Variants in FGF1 observed in about 807,000 individuals in gnomAD.
FGF1 encodes the protein beta-endothelial cell growth factor.
In FGF1, 9 loss-of-function variants were observed where a neutral mutation model predicts 13.4. The ratio of observed to expected loss-of-function variants is 0.67; its 90% CI spans 0.40 to 1.17. The LOEUF (loss-of-function observed/expected upper bound fraction) is 1.17, where lower values mean the gene tolerates loss of function less well. Ranked by LOEUF, FGF1 falls within the 50% of genes most tolerant of loss-of-function variation. The probability of loss-of-function intolerance (pLI) is 0.01; values close to 1 mark genes in which losing one functional copy is unlikely to be tolerated. For missense variants in FGF1, 156 were observed against 192.7 expected (o/e 0.81, Z 1.13); for synonymous variants, 93 against 79.0 (o/e 1.18, Z -0.94).
intron 1 of FGF1, among the ~76,000 whole-genome samples, chr5:142,678,821 A>G (rs1773149364): frequency 6.6e-6 from 1 of 152,186 alleles, no homozygotes; most frequent in South Asian, 2.1e-4. Context: ...TGCCTAGCTT[A>G]CTAATTAGCT....
intron 1 of FGF1, among the ~76,000 whole-genome samples, chr5:142,636,074 T>G (rs529986059): frequency 6.6e-6 from 1 of 152,342 alleles, no homozygotes; most frequent in East Asian, 1.9e-4. Context: ...GCAACATAAG[T>G]GAAGACTCCC....
chr5:142,665,935 C>T (rs1317645732), intron 1 of FGF1, among the ~76,000 whole-genome samples: 1 of 152,140 alleles, frequency 6.6e-6, no homozygotes, highest in Non-Finnish European at 1.5e-5. Flanking sequence ...ATGACTTCCC[C>T]CTAGGTTGGC....
intron 1 of FGF1, among the ~76,000 whole-genome samples, chr5:142,667,077 C>T (rs1233880873): frequency 7.3e-5 from 11 of 151,546 alleles, no homozygotes; most frequent in Admixed American, 2.6e-4. Context: ...TTCAGGAGTT[C>T]GAGATCAGCC....
At chr5:142,637,406 G>T (rs1331634562) in intron 1 of FGF1, among the ~76,000 whole-genome samples, 2 of 149,126 alleles carry the variant, frequency 1.3e-5, no homozygotes, top group Non-Finnish European at 3.0e-5. Context: ...TGCAAGCTCC[G>T]CCTCCTGGAT....
chr5:142,638,808 G>A (rs571707526), intron 1 of FGF1, among the ~76,000 whole-genome samples: 20 of 151,996 alleles, frequency 1.3e-4, no homozygotes, highest in Non-Finnish European at 2.9e-5. Context: ...AATATATAAG[G>A]AACCCAAACA....
At chr5:142,606,204 C>T (rs1303349724) in intron 2 of FGF1, among the ~76,000 whole-genome samples, 2 of 116,672 alleles carry the variant, frequency 1.7e-5, no homozygotes, top group African/African-American at 7.5e-5. Context: ...AAATCTGCAA[C>T]ATTCTTTCTC....
At chr5:142,597,182 A>C (rs1289639794) in intron 3 of FGF1, among the ~76,000 whole-genome samples, 1 of 152,256 alleles carries the variant, frequency 6.6e-6, no homozygotes, top group East Asian at 1.9e-4. Flanking sequence ...CTTTCTGAAG[A>C]CAATTTAGCA....
chr5:142,613,175 A>G (rs980189736), intron 2 of FGF1, among the ~76,000 whole-genome samples: 4 of 152,234 alleles, frequency 2.6e-5, no homozygotes, highest in African/African-American at 9.6e-5. Flanking sequence ...TAACATCACG[A>G]TAGGACCTGG....
intron 1 of FGF1, among the ~76,000 whole-genome samples, chr5:142,650,662 G>A (rs1247136942): frequency 6.7e-6 from 1 of 150,090 alleles, no homozygotes; most frequent in Non-Finnish European, 1.5e-5. Context: ...TTATATGTGT[G>A]TGTGTGTATA....
intron 1 of FGF1, among the ~76,000 whole-genome samples, chr5:142,617,776 C>G (rs919169641): frequency 6.6e-6 from 1 of 152,070 alleles, no homozygotes; most frequent in Non-Finnish European, 1.5e-5. Context: ...TAAAGGAAAC[C>G]CCAGGGGCAT....
upstream of FGF1, among the ~76,000 whole-genome samples, chr5:142,690,522 A>C (rs1752026581): frequency 6.6e-6 from 1 of 152,180 alleles, no homozygotes; most frequent in Non-Finnish European, 1.5e-5. Flanking sequence ...TGTACCCTGA[A>C]TATGTGTATG....
intron 1 of FGF1, among the ~76,000 whole-genome samples, chr5:142,676,367 T>A (rs975099082): frequency 1.3e-5 from 2 of 152,200 alleles, no homozygotes; most frequent in South Asian, 2.1e-4. Context: ...ACCAATCCTA[T>A]GAGATAGGAA....
At chr5:142,651,214 G>A (rs902366444) in intron 1 of FGF1, among the ~76,000 whole-genome samples, 5 of 152,064 alleles carry the variant, frequency 3.3e-5, no homozygotes, top group Non-Finnish European at 7.4e-5. Context: ...CATCACCCAC[G>A]GGAGCCTGAA....
intron 1 of FGF1, 29 bp from the exon 2 acceptor site, chr5:142,614,190 G>A (rs17096367): frequency 2.6e-5 from 41 of 1,569,114 alleles, no homozygotes; most frequent in Admixed American, 1.6e-4. Flanking sequence ...ACCTGTAGTC[G>A]GTTCTTCCAG....
chr5:142,648,283 A>T (rs1174326686), intron 1 of FGF1, among the ~76,000 whole-genome samples: 3 of 86,846 alleles, frequency 3.5e-5, no homozygotes, highest in Non-Finnish European at 7.1e-5. Context: ...TAGACTGGAT[A>T]AAAAAAAATG....
At chr5:142,595,580 A>G in intron 3 of FGF1, 96 bp from the exon 4 acceptor site, 1 of 975,800 alleles carries the variant, frequency 1.0e-6, no homozygotes, top group Non-Finnish European at 1.5e-6. Context: ...GCAAAATACT[A>G]AAGCTCTCCA....
At chr5:142,640,414 G>A (rs1311804440) in intron 1 of FGF1, among the ~76,000 whole-genome samples, 1 of 136,874 alleles carries the variant, frequency 7.3e-6, no homozygotes, top group African/African-American at 2.7e-5. Flanking sequence ...TGCACCAGGA[G>A]GTGGAGTATG....
chr5:142,682,139 G>A (rs1322193560), intron 1 of FGF1, among the ~76,000 whole-genome samples: 7 of 150,774 alleles, frequency 4.6e-5, no homozygotes, highest in African/African-American at 9.8e-5. Flanking sequence ...AGGCTGGAGC[G>A]CAATGGCGCG....
In FGF1 at chr5:142,605,280, T is replaced by G. The variant is rs572789179; in HGVS notation, c.170-4475A>C. Among the ~76,000 whole-genome samples, 62 of 150,450 alleles carry G rather than the reference T, an allele frequency of 4.1e-4. 1 individual carries two copies. In the East Asian group the frequency reaches 8.9e-3, roughly 22 times the overall value. On this transcript the variant is annotated intron_variant, in intron 2 of 3. Coordinates refer to ENST00000337706, the MANE Select transcript of FGF1 (RefSeq NM_000800.5). ...CACCATCATGCCTGGCTAGTTTTTT[T>G]TTTTTTTTTTTTGTATTTTTAGTAG...
Sources: allele counts gnomAD v4.1 joint callset (sites outside exome capture counted in the v4.1 genomes callset), GRCh38; gene constraint gnomAD v4.1.1; transcripts MANE v1.5; gene names NCBI Gene and HGNC (gene_info 2026-07-23, HGNC 2026-07-21).